The following MBP variants were observed in gnomAD, a reference collection of about 807,000 sequenced individuals.
MBP encodes Golli-MBP.
MBP carries 16 observed loss-of-function variants against 35.8 expected under a neutral mutation model. The observed-to-expected ratio is 0.45, with a 90% CI of 0.30 to 0.68. MBP has a LOEUF of 0.68. Among genes scored for constraint, MBP ranks in the 30% least tolerant of loss-of-function variants. MBP has a pLI of 0.08. For synonymous variants in MBP, 143 were observed against 159.6 expected (o/e 0.90, Z 0.78); for missense variants, 380 against 404.7 (o/e 0.94, Z 0.52).
At chr18:77,083,803 C>A (rs1012881077) in intron 2 of MBP, among the ~76,000 whole-genome samples, 2 of 152,060 alleles carry the variant, frequency 1.3e-5, no homozygotes, top group East Asian at 3.9e-4. Flanking sequence ...AAGAGCGAAC[C>A]CTACAGACAA....
At chr18:77,047,169 C>T (rs992357040) in intron 3 of MBP, among the ~76,000 whole-genome samples, 4 of 152,346 alleles carry the variant, frequency 2.6e-5, no homozygotes, top group Admixed American at 1.3e-4. Context: ...CCTATGTCCA[C>T]GGGAAACCCT....
intron 2 of MBP, chr18:77,093,485 A>C (rs1002819167): frequency 1.3e-5 from 2 of 152,180 alleles, no homozygotes; most frequent in African/African-American, 2.4e-5. Flanking sequence ...TAATCATTGC[A>C]TTCCAACTTA....
chr18:76,991,244 G>A (rs912640929), intron 4 of MBP, among the ~76,000 whole-genome samples: 1 of 152,170 alleles, frequency 6.6e-6, no homozygotes, highest in Admixed American at 6.5e-5. Context: ...AGAATGGCTG[G>A]GCATGAGTGC....
intron 2 of MBP, among the ~76,000 whole-genome samples, chr18:77,092,172 C>T (rs545510063): frequency 1.8e-4 from 27 of 152,390 alleles, no homozygotes; most frequent in Admixed American, 1.6e-3. Flanking sequence ...TGCAATTACA[C>T]GGCGGCGTTT....
chr18:77,083,065 C>T (rs955083044), intron 2 of MBP, among the ~76,000 whole-genome samples: 7 of 151,924 alleles, frequency 4.6e-5, no homozygotes, highest in Non-Finnish European at 7.4e-5. Context: ...ACTCCACCTC[C>T]TGGATTTGAA....
At chr18:77,109,240 A>C (rs1976373197) in intron 1 of MBP, 1 of 152,210 alleles carries the variant, frequency 6.6e-6, no homozygotes, top group Non-Finnish European at 1.5e-5. Context: ...TCCACTCCTA[A>C]ACTGACAAGG....
At position 77,094,318 on chromosome 18, in the gene MBP, C is replaced by T. The variant is rs563759920; in HGVS notation, c.51+10893G>A. On this transcript the variant is annotated intron_variant, in intron 2 of 8. Coordinates refer to ENST00000355994, the MANE Select transcript of MBP (RefSeq NM_001025101.2). ...GATGCCTTTTCTATATTATTTTATT[C>T]CTCTCTTTAGGAGCTCACTGAAGTT... Among the ~76,000 whole-genome samples, 4 of 152,274 alleles carry T rather than the reference C, an allele frequency of 2.6e-5. No homozygotes were observed. In the East Asian group the frequency reaches 7.7e-4, roughly 29 times the overall value.
chr18:77,103,412 G>A (rs759001682), intron 2 of MBP, among the ~76,000 whole-genome samples: 2 of 152,184 alleles, frequency 1.3e-5, no homozygotes, highest in Admixed American at 6.5e-5. Context: ...ACCACCATCT[G>A]CCTCGAGTTG....
At chr18:77,128,986 TA>T (rs199710780) in intron 1 of MBP, among the ~76,000 whole-genome samples, 2,226 of 151,994 alleles carry the variant, frequency 0.015, 28 homozygotes, top group Middle Eastern at 0.024. Context: ...ACCGTAAAGG[TA>T]AAAAAAAATC....
At chr18:77,117,173 G>C (rs753453143) in intron 1 of MBP, among the ~76,000 whole-genome samples, 2 of 152,266 alleles carry the variant, frequency 1.3e-5, no homozygotes, top group Non-Finnish European at 1.5e-5. Context: ...AACTATCACA[G>C]AGTAACAATA....
chr18:77,031,805 G>A (rs1292274323), intron 3 of MBP, among the ~76,000 whole-genome samples: 5 of 152,250 alleles, frequency 3.3e-5, no homozygotes, highest in Non-Finnish European at 7.3e-5. Flanking sequence ...CCTTGGACAG[G>A]CTGTACACTG....
At chr18:77,027,623 G>A (rs1486040191) in intron 3 of MBP, among the ~76,000 whole-genome samples, 1 of 152,144 alleles carries the variant, frequency 6.6e-6, no homozygotes, top group Non-Finnish European at 1.5e-5. Context: ...CCCACAGAGG[G>A]GCTTTTGGTA....
At chr18:77,105,880 T>G (rs998687498) in intron 1 of MBP, among the ~76,000 whole-genome samples, 1 of 152,200 alleles carries the variant, frequency 6.6e-6, no homozygotes, top group African/African-American at 2.4e-5. Flanking sequence ...TACTCCTCAT[T>G]TTTATTTTCT....
chr18:77,111,619 G>A (rs1340255287), intron 1 of MBP, among the ~76,000 whole-genome samples: 1 of 152,186 alleles, frequency 6.6e-6, no homozygotes, highest in East Asian at 1.9e-4. Context: ...CAGCACCCAG[G>A]GCGGGATTCA....
chr18:77,084,719 T>C (rs1294580106), intron 2 of MBP, among the ~76,000 whole-genome samples: 1 of 152,194 alleles, frequency 6.6e-6, no homozygotes, highest in Non-Finnish European at 1.5e-5. Flanking sequence ...GTTTGTTATC[T>C]AGGTTGACAA....
intron 2 of MBP, among the ~76,000 whole-genome samples, chr18:77,099,897 G>A (rs1488394327): frequency 2.0e-5 from 3 of 152,256 alleles, no homozygotes; most frequent in Non-Finnish European, 4.4e-5. Context: ...TGTCTCCTGA[G>A]GACAGGGCAG....
rs375826246 is a variant in MBP, at chr18:77,116,244, G to A, written c.-25-10958C>T. Among the ~76,000 whole-genome samples, 421 of 152,312 alleles carry A rather than the reference G, an allele frequency of 2.8e-3. 2 individuals carry two copies. The highest frequency in any genetic ancestry group is 0.014 in the South Asian group (67 of 4,826). On this transcript the variant is annotated intron_variant, in intron 1 of 8. Coordinates refer to ENST00000355994, the MANE Select transcript of MBP (RefSeq NM_001025101.2). ...TTCTAATCAAGAAAGAGAATGCAAT[G>A]TGTGGTCATTAACCTCACCATGGTC...
At chr18:77,011,629 G>A (rs549470388) in intron 4 of MBP, among the ~76,000 whole-genome samples, 1 of 152,224 alleles carries the variant, frequency 6.6e-6, no homozygotes, top group Non-Finnish European at 1.5e-5. Flanking sequence ...GAGGACAAAT[G>A]CAAGGGCCAG....
chr18:77,066,142 A>C, intron 3 of MBP, 156 bp downstream of exon 3: 1 of 633,304 alleles, frequency 1.6e-6, no homozygotes, highest in South Asian at 2.0e-5. Context: ...GATTACAGAC[A>C]TGAAGCAATG....
Sources: allele counts gnomAD v4.1 joint callset (sites outside exome capture counted in the v4.1 genomes callset), GRCh38; gene constraint gnomAD v4.1.1; transcripts MANE v1.5; gene names NCBI Gene and HGNC (gene_info 2026-07-23, HGNC 2026-07-21).